FOXN3: variants seen among roughly 807,000 people sequenced by gnomAD.
The protein encoded by FOXN3 is forkhead box protein N3.
FOXN3 carries 7 observed loss-of-function variants against 38.4 expected under a neutral mutation model. The observed-to-expected ratio is 0.18, with a 90% CI of 0.10 to 0.34. The LOEUF (loss-of-function observed/expected upper bound fraction) is 0.34, where lower values mean the gene tolerates loss of function less well. Ranked by LOEUF, FOXN3 falls within the 10% of genes least tolerant of loss-of-function variation. The pLI is 1.00. For missense variants in FOXN3, 456 were observed against 613.4 expected (o/e 0.74, Z 2.71); for synonymous variants, 230 against 242.2 (o/e 0.95, Z 0.47).
At chr14:89,385,037 G>A (rs774802377) in intron 2 of FOXN3, among the ~76,000 whole-genome samples, 2 of 152,086 alleles carry the variant, frequency 1.3e-5, no homozygotes, top group East Asian at 1.9e-4. Flanking sequence ...GGAATCTGCC[G>A]AGTTTCCATT....
chr14:89,206,506 T>G (rs978995058), intron 4 of FOXN3, among the ~76,000 whole-genome samples: 1 of 152,174 alleles, frequency 6.6e-6, no homozygotes, highest in African/African-American at 2.4e-5. Context: ...CGACGGAAGA[T>G]GATGGCGTGG....
chr14:89,329,923 C>T (rs952486362), intron 3 of FOXN3, among the ~76,000 whole-genome samples: 7 of 143,418 alleles, frequency 4.9e-5, no homozygotes, highest in African/African-American at 1.0e-4. Context: ...AGTACCAAGG[C>T]GGAAAAACCC....
chr14:89,211,704 T>C (rs1670556222), intron 4 of FOXN3, among the ~76,000 whole-genome samples: 2 of 152,206 alleles, frequency 1.3e-5, no homozygotes, highest in Non-Finnish European at 2.9e-5. Context: ...GATTCACTCA[T>C]CATTAGGTTG....
At chr14:89,515,857 G>A (rs1231029766) in intron 1 of FOXN3, among the ~76,000 whole-genome samples, 1 of 152,226 alleles carries the variant, frequency 6.6e-6, no homozygotes, top group Non-Finnish European at 1.5e-5. Context: ...CTGAGCTGCA[G>A]CATGAACCCC....
intron 4 of FOXN3, among the ~76,000 whole-genome samples, chr14:89,277,515 G>A (rs749386991): frequency 1.3e-5 from 2 of 152,142 alleles, no homozygotes; most frequent in Admixed American, 6.6e-5. Flanking sequence ...CCCATGCCTG[G>A]TGTAATCCAA....
intron 1 of FOXN3, chr14:89,494,040 A>T (rs1454907448): frequency 6.6e-6 from 1 of 152,126 alleles, no homozygotes; most frequent in African/African-American, 2.4e-5. Context: ...CATCGTGCAG[A>T]AGGGGAATGC....
intron 1 of FOXN3, among the ~76,000 whole-genome samples, chr14:89,433,747 G>C (rs1342722996): frequency 6.7e-6 from 1 of 150,078 alleles, no homozygotes; most frequent in Non-Finnish European, 1.5e-5. Flanking sequence ...AGGTGGCGGA[G>C]GTTGCAGTGA....
At chr14:89,231,738 C>T (rs772330501) in intron 4 of FOXN3, among the ~76,000 whole-genome samples, 14 of 152,130 alleles carry the variant, frequency 9.2e-5, no homozygotes, top group African/African-American at 1.2e-4. Context: ...TGCTCCAAAT[C>T]GGACCTGCCT....
At chr14:89,569,876 G>A (rs1273493805) in intron 1 of FOXN3, among the ~76,000 whole-genome samples, 1 of 152,100 alleles carries the variant, frequency 6.6e-6, no homozygotes, top group African/African-American at 2.4e-5. Context: ...TATCCACAAG[G>A]AACAAGGGCC....
At chr14:89,216,285 T>C (rs1884278243) in intron 4 of FOXN3, among the ~76,000 whole-genome samples, 1 of 151,536 alleles carries the variant, frequency 6.6e-6, no homozygotes, top group South Asian at 2.1e-4. Context: ...CCCTGCTTGA[T>C]AAAAAAGAAA....
chr14:89,241,526 T>G (rs1390818665), intron 4 of FOXN3, among the ~76,000 whole-genome samples: 3 of 152,174 alleles, frequency 2.0e-5, no homozygotes, highest in African/African-American at 7.2e-5. Context: ...CATCAGGTGA[T>G]ACACTTACCT....
rs1410991321 is a variant in FOXN3, at chr14:89,411,551, G to A, written c.543+383C>T. 2.6e-5 allele frequency among the ~76,000 whole-genome samples: 4 copies of A among 152,266 alleles called. 1 individual carries two copies. In the South Asian group the frequency reaches 6.2e-4, roughly 24 times the overall value. On this transcript the variant is annotated intron_variant, in intron 2 of 5. Transcript: ENST00000557258. Reference sequence around the variant, plus strand: ...ACACCATTTTTCTCTAGCCCATGGTGGCAGTGTATATACACACACATACTT... The same window carrying A: ...ACACCATTTTTCTCTAGCCCATGGTAGCAGTGTATATACACACACATACTT...
chr14:89,463,413 A>C (rs1308525500), intron 1 of FOXN3, among the ~76,000 whole-genome samples: 2 of 152,200 alleles, frequency 1.3e-5, no homozygotes, highest in Non-Finnish European at 2.9e-5. Context: ...TAAGTCTCCA[A>C]TACATGAAAT....
At chr14:89,576,408 A>G (rs183517104) in intron 1 of FOXN3, 1 of 152,242 alleles carries the variant, frequency 6.6e-6, no homozygotes, top group Admixed American at 6.5e-5. Flanking sequence ...TGCTCCTGTG[A>G]AGGGAATTTG....
chr14:89,456,530 G>C (rs1294105107), intron 1 of FOXN3, among the ~76,000 whole-genome samples: 1 of 152,208 alleles, frequency 6.6e-6, no homozygotes, highest in Non-Finnish European at 1.5e-5. Flanking sequence ...AAGGTGGCTG[G>C]ATTGCTTGAG....
At chr14:89,398,578 T>C (rs1381539231) in intron 2 of FOXN3, among the ~76,000 whole-genome samples, 1 of 152,186 alleles carries the variant, frequency 6.6e-6, no homozygotes, top group Non-Finnish European at 1.5e-5. Flanking sequence ...AGGTTCAAGA[T>C]AGTCCCCATG....
At chr14:89,455,219 G>A (rs917222739) in intron 1 of FOXN3, among the ~76,000 whole-genome samples, 13 of 152,266 alleles carry the variant, frequency 8.5e-5, no homozygotes, top group South Asian at 8.3e-4. Flanking sequence ...ATATGCCATC[G>A]GCATTTGTGG....
At chr14:89,324,467 T>C (rs993967153) in intron 3 of FOXN3, among the ~76,000 whole-genome samples, 3,327 of 151,740 alleles carry the variant, frequency 0.022, 110 homozygotes, top group African/African-American at 0.077. Context: ...TGTGTGTGTG[T>C]GTGTGTGTGT....
intron 1 of FOXN3, among the ~76,000 whole-genome samples, chr14:89,505,833 CG>C (rs1893910527): frequency 6.6e-6 from 1 of 151,292 alleles, no homozygotes; most frequent in African/African-American, 2.4e-5. Context: ...AAGTGAGGAG[CG>C]TCTCTGCCCG....
Sources: allele counts gnomAD v4.1 joint callset (sites outside exome capture counted in the v4.1 genomes callset), GRCh38; gene constraint gnomAD v4.1.1; transcripts MANE v1.5; gene names NCBI Gene and HGNC (gene_info 2026-07-23, HGNC 2026-07-21).